The following CDYL variants were observed in gnomAD, a reference collection of about 807,000 sequenced individuals.
CDYL encodes chromodomain Y like.
A neutral mutation model predicts 47.3 loss-of-function variants in CDYL; 8 were observed. The ratio of observed to expected loss-of-function variants is 0.17; its 90% CI spans 0.10 to 0.31. The LOEUF is 0.31. Among genes scored for constraint, CDYL ranks in the 10% least tolerant of loss-of-function variants. The pLI, the probability that CDYL is intolerant of heterozygous loss-of-function variation, is 1.00. For synonymous variants in CDYL, 266 were observed against 265.0 expected (o/e 1.00, Z -0.04); for missense variants, 471 against 701.4 (o/e 0.67, Z 3.71).
At chr6:4,737,645 G>C (rs1205722890) in intron 3 of CDYL, among the ~76,000 whole-genome samples, 3 of 151,576 alleles carry the variant, frequency 2.0e-5, no homozygotes, top group African/African-American at 7.3e-5. Flanking sequence ...AATAGCCTCA[G>C]CCTCCCAAGT....
At chr6:4,717,012 T>C (rs1178848198) in intron 2 of CDYL, among the ~76,000 whole-genome samples, 1 of 152,154 alleles carries the variant, frequency 6.6e-6, no homozygotes, top group African/African-American at 2.4e-5. Context: ...AGGTCAGTTC[T>C]GGGAATGATG....
intron 3 of CDYL, chr6:4,734,984 A>T: frequency 7.1e-7 from 1 of 1,399,578 alleles, no homozygotes; most frequent in Non-Finnish European, 9.4e-7. Flanking sequence ...GAAGCTGTGG[A>T]CTCCTTAGAA....
At chr6:4,871,103 A>C (rs1333368161) in intron 1 of CDYL, among the ~76,000 whole-genome samples, 1 of 152,178 alleles carries the variant, frequency 6.6e-6, no homozygotes, top group Non-Finnish European at 1.5e-5. Flanking sequence ...GTGTGTTTTA[A>C]GTCACTTGCC....
chr6:4,884,736 CCAAGCTCAGGGATCCT>C (rs149514897), intron 1 of CDYL, among the ~76,000 whole-genome samples: 3,433 of 152,204 alleles, frequency 0.023, 129 homozygotes, highest in African/African-American at 0.078. Context: ...TTTGGGATCC[CCAAGCTCAGGGATCCT>C]TTCTTGTAAT....
At chr6:4,840,455 G>C (rs1760454177) in intron 1 of CDYL, among the ~76,000 whole-genome samples, 1 of 152,176 alleles carries the variant, frequency 6.6e-6, no homozygotes, top group Admixed American at 6.6e-5. Flanking sequence ...TAGAAATGGT[G>C]AGAGTGGGCA....
chr6:4,751,461 G>A (rs1582310565), intron 3 of CDYL, among the ~76,000 whole-genome samples: 2 of 152,228 alleles, frequency 1.3e-5, no homozygotes, highest in African/African-American at 2.4e-5. Flanking sequence ...AAGCATTTAA[G>A]TATACCTTTC....
chr6:4,938,513 G>A (rs984890418), intron 4 of CDYL, among the ~76,000 whole-genome samples: 1 of 152,106 alleles, frequency 6.6e-6, no homozygotes, highest in Non-Finnish European at 1.5e-5. Flanking sequence ...ATTGAAACAC[G>A]AATACATTGT....
intron 2 of CDYL, among the ~76,000 whole-genome samples, chr6:4,728,317 A>G (rs1241693076): frequency 6.6e-6 from 1 of 152,182 alleles, no homozygotes; most frequent in Non-Finnish European, 1.5e-5. Context: ...ACCACCCCTG[A>G]GGCCACTGCC....
intron 2 of CDYL, among the ~76,000 whole-genome samples, chr6:4,729,083 C>A (rs1757560379): frequency 6.6e-6 from 1 of 152,158 alleles, no homozygotes; most frequent in Admixed American, 6.5e-5. Flanking sequence ...TCTGCCTACT[C>A]AGCCCAGTGT....
At chr6:4,893,538 C>G (rs1204745879) in intron 2 of CDYL, among the ~76,000 whole-genome samples, 3 of 152,178 alleles carry the variant, frequency 2.0e-5, no homozygotes, top group Admixed American at 2.0e-4. Context: ...ACTAAAAATA[C>G]AAAAATTAGC....
chr6:4,801,106 T>C (rs1398419003), intron 1 of CDYL, among the ~76,000 whole-genome samples: 1 of 152,250 alleles, frequency 6.6e-6, no homozygotes, highest in Non-Finnish European at 1.5e-5. Context: ...GATTATTCTG[T>C]ATTCAGGTTC....
intron 1 of CDYL, among the ~76,000 whole-genome samples, chr6:4,868,714 A>C (rs954983910): frequency 1.3e-5 from 2 of 152,194 alleles, no homozygotes; most frequent in African/African-American, 2.4e-5. Context: ...TCAGTTATTG[A>C]TAGTGGGCTA....
chr6:4,877,429 A>T (rs1726960149), intron 1 of CDYL, among the ~76,000 whole-genome samples: 1 of 152,104 alleles, frequency 6.6e-6, no homozygotes, highest in African/African-American at 2.4e-5. Flanking sequence ...CACAAGGATG[A>T]CGTTGGTTTG....
At chr6:4,904,744 T>C (rs149710806) in intron 2 of CDYL, among the ~76,000 whole-genome samples, 3 of 152,326 alleles carry the variant, frequency 2.0e-5, no homozygotes, top group African/African-American at 7.2e-5. Context: ...TTTATGTCTG[T>C]GCAGTAAGGA....
chr6:4,800,904 TAGA>T (rs1048676500), intron 1 of CDYL, among the ~76,000 whole-genome samples: 24 of 152,250 alleles, frequency 1.6e-4, no homozygotes, highest in Admixed American at 9.2e-4. Flanking sequence ...AAGGTGTGTC[TAGA>T]AGAAGTTTTG....
At chr6:4,901,521 T>G (rs1757053520) in intron 2 of CDYL, among the ~76,000 whole-genome samples, 1 of 152,182 alleles carries the variant, frequency 6.6e-6, no homozygotes. Flanking sequence ...AACATTCATC[T>G]TCCTCTTTCA....
At chr6:4,904,558 A>C (rs1426556122) in intron 2 of CDYL, among the ~76,000 whole-genome samples, 3 of 152,194 alleles carry the variant, frequency 2.0e-5, no homozygotes, top group East Asian at 3.9e-4. Context: ...AACATTTCAC[A>C]ATCAGGTTTA....
chr6:4,839,313 A>G (rs1219562150), intron 1 of CDYL, among the ~76,000 whole-genome samples: 2 of 151,940 alleles, frequency 1.3e-5, no homozygotes, highest in African/African-American at 4.8e-5. Flanking sequence ...TAGATTCTGG[A>G]TGTTAGTTAT....
chr6:4,711,315 C>T (rs776668730), intron 1 of CDYL, among the ~76,000 whole-genome samples: 3 of 152,162 alleles, frequency 2.0e-5, no homozygotes, highest in Non-Finnish European at 1.5e-5. Flanking sequence ...CAGTGACTTA[C>T]GGGAAGTCGT....
Sources: gnomAD v4.1 joint callset for allele counts (sites outside exome capture counted in the v4.1 genomes callset) on GRCh38, gnomAD v4.1.1 for gene constraint, MANE v1.5 for transcripts, NCBI Gene and HGNC (gene_info 2026-07-23, HGNC 2026-07-21) for gene names.